Variants in DNAH3 observed in about 807,000 individuals in gnomAD.
DNAH3 encodes the protein axonemal beta dynein heavy chain 3.
DNAH3 carries 332 observed loss-of-function variants against 432.5 expected under a neutral mutation model. The observed-to-expected ratio is 0.77, with a 90% CI of 0.70 to 0.84. DNAH3 has a LOEUF of 0.84. DNAH3 is among the 40% of genes least tolerant of loss of function. DNAH3 has a pLI of 0.00. For synonymous variants in DNAH3, 1,956 were observed against 1,900.2 expected (o/e 1.03, Z -0.76); for missense variants, 4,861 against 5,114.0 (o/e 0.95, Z 1.51).
At chr16:21,145,466 C>T in intron 2 of DNAH3, 60 bp from the exon 4 acceptor site, 1 of 1,447,188 alleles carries the variant, frequency 6.9e-7, no homozygotes, top group Non-Finnish European at 9.7e-7. Flanking sequence ...TGAGCCTGAG[C>T]TCTGCTCACA....
At chr16:21,085,519 T>A (rs1333871147) in intron 19 of DNAH3, among the ~76,000 whole-genome samples, 1 of 123,120 alleles carries the variant, frequency 8.1e-6, no homozygotes, top group Non-Finnish European at 1.6e-5. Flanking sequence ...CACAGTGAGA[T>A]TCCACCTCAA....
At chr16:21,048,600 C>G (rs147540388) in intron 31 of DNAH3, among the ~76,000 whole-genome samples, 194 of 152,252 alleles carry the variant, frequency 1.3e-3, no homozygotes, top group African/African-American at 4.4e-3. Context: ...GAGATGAACC[C>G]GGTACCTCAG....
chr16:21,120,537 C>G (rs1206762382), intron 11 of DNAH3: 1 of 603,600 alleles, frequency 1.7e-6, no homozygotes, highest in African/African-American at 1.9e-5. Context: ...TCTTCACTAA[C>G]CAGTTCAGAG....
exon 37 of DNAH3, chr16:21,031,148 T>A (rs1303543794): frequency 6.2e-7 from 1 of 1,614,178 alleles, no homozygotes; most frequent in Non-Finnish European, 8.5e-7. Context: ...TGAAGACGCT[T>A]GCTCCCGGAA....
At chr16:21,122,955 T>C (rs1229785756) in intron 9 of DNAH3, among the ~76,000 whole-genome samples, 1 of 152,124 alleles carries the variant, frequency 6.6e-6, no homozygotes, top group Non-Finnish European at 1.5e-5. Flanking sequence ...CCCAGCCTAG[T>C]ATTTTTTTCT....
At chr16:21,084,096 C>T (rs1056948200) in intron 19 of DNAH3, among the ~76,000 whole-genome samples, 2 of 152,086 alleles carry the variant, frequency 1.3e-5, no homozygotes, top group Non-Finnish European at 2.9e-5. Flanking sequence ...ATTCCAATCC[C>T]CTTTCCCACC....
At chr16:21,140,039 C>T (rs150624752) in intron 5 of DNAH3, among the ~76,000 whole-genome samples, 3,491 of 151,718 alleles carry the variant, frequency 0.023, 139 homozygotes, top group African/African-American at 0.08. Flanking sequence ...CCTGCCTCGG[C>T]CTCCCAAAGT....
At chr16:20,963,763 G>A in exon 53 of DNAH3, 1 of 1,614,078 alleles carries the variant, frequency 6.2e-7, no homozygotes, top group Non-Finnish European at 8.5e-7. Flanking sequence ...CAGGAGGAGA[G>A]AGAAGAGTAG....
Position 20,953,451 on chromosome 16 carries a change from G to A in DNAH3, c.11072-902C>T, listed in dbSNP as rs150412565. Among the ~76,000 whole-genome samples the A allele has an allele frequency of 7.4e-3, 1,121 of 152,184 alleles. 15 individuals carry two copies. The highest frequency in any genetic ancestry group is 0.026 in the African/African-American group (1,082 of 41,534). On this transcript the variant is annotated intron_variant, in intron 55 of 61. Transcript: ENST00000261383. The stretch of plus-strand genomic sequence containing the variant: ...TGGGATTACAGGTGTGAACCATCGC[G>A]CCCAGGTTCAATAGAGAAGTTTAAT...
chr16:21,052,741 C>G (rs2090001711), intron 28 of DNAH3, among the ~76,000 whole-genome samples: 1 of 152,160 alleles, frequency 6.6e-6, no homozygotes, highest in Non-Finnish European at 1.5e-5. Context: ...AAGTCTGAGC[C>G]AGAGAGCTTT....
chr16:21,120,599 A>G (rs1475588248), intron 11 of DNAH3: 1 of 683,810 alleles, frequency 1.5e-6, no homozygotes, highest in Non-Finnish European at 2.6e-6. Context: ...GGGTGTCACT[A>G]GATGGGGAAC....
At chr16:21,035,884 G>A (rs1245127398) in intron 35 of DNAH3, among the ~76,000 whole-genome samples, 2 of 152,162 alleles carry the variant, frequency 1.3e-5, no homozygotes, top group Non-Finnish European at 2.9e-5. Context: ...AACTCACATT[G>A]TGACTTTGGG....
exon 3 of DNAH3, chr16:21,145,279 A>G: frequency 1.2e-6 from 2 of 1,614,104 alleles, no homozygotes; most frequent in Middle Eastern, 1.6e-4. Context: ...GTCCTGGGCC[A>G]TCAAGGAGTA....
chr16:21,063,285 A>G (rs141051423), intron 24 of DNAH3, among the ~76,000 whole-genome samples: 2 of 152,080 alleles, frequency 1.3e-5, no homozygotes, highest in African/African-American at 4.8e-5. Flanking sequence ...GTATTTTTTT[A>G]AATTTCAGGT....
intron 56 of DNAH3, among the ~76,000 whole-genome samples, chr16:20,949,833 G>T (rs1438290699): frequency 1.3e-5 from 2 of 152,190 alleles, no homozygotes; most frequent in Non-Finnish European, 2.9e-5. Flanking sequence ...CAGTTGGAAG[G>T]TAACTACTCT....
intron 9 of DNAH3, among the ~76,000 whole-genome samples, chr16:21,124,963 T>TTG (rs145787563): frequency 0.26 from 38,831 of 151,638 alleles, 4,931 homozygotes; most frequent in East Asian, 0.31. Flanking sequence ...CATTTACCAT[T>TTG]TGTGTGTGTG....
At chr16:21,119,422 AC>A (rs1242745830) in intron 11 of DNAH3, among the ~76,000 whole-genome samples, 1 of 151,862 alleles carries the variant, frequency 6.6e-6, no homozygotes, top group African/African-American at 2.4e-5. Context: ...GCTTGAGCTC[AC>A]GAGTTCAAGA....
intron 19 of DNAH3, among the ~76,000 whole-genome samples, chr16:21,082,852 A>T (rs968776014): frequency 2.7e-5 from 4 of 149,432 alleles, no homozygotes; most frequent in Non-Finnish European, 5.9e-5. Context: ...ATTAACACAA[A>T]TGGCTCACGT....
At chr16:21,106,384 C>T in intron 15 of DNAH3, 106 bp downstream of exon 15, 1 of 931,164 alleles carries the variant, frequency 1.1e-6, no homozygotes, top group Non-Finnish European at 1.5e-6. Flanking sequence ...AACACTTTAC[C>T]CCTAAATATA....
Sources: gnomAD v4.1 joint callset for allele counts (sites outside exome capture counted in the v4.1 genomes callset) on GRCh38, gnomAD v4.1.1 for gene constraint, MANE v1.5 for transcripts, NCBI Gene and HGNC (gene_info 2026-07-23, HGNC 2026-07-21) for gene names.